Variants in BCL11A observed in about 807,000 individuals in gnomAD.
The protein encoded by BCL11A is B cell CLL/lymphoma 11A.
A neutral mutation model predicts 55.9 loss-of-function variants in BCL11A; 2 were observed. That is an observed-to-expected ratio of 0.04 (90% confidence interval 0.01 to 0.11). The LOEUF (loss-of-function observed/expected upper bound fraction) is 0.11. BCL11A is among the 10% of genes least tolerant of loss of function. The probability of loss-of-function intolerance (pLI) is 1.00; values close to 1 mark genes in which losing one functional copy is unlikely to be tolerated. For missense variants in BCL11A, 817 were observed against 1,137.1 expected, an observed-to-expected ratio of 0.72 and a Z score of 4.05; for synonymous variants, 465 against 473.4, an observed-to-expected ratio of 0.98 and a Z score of 0.23.
At chr2:60,505,233 A>G (rs1483860946) in intron 2 of BCL11A, among the ~76,000 whole-genome samples, 7 of 152,238 alleles carry the variant, frequency 4.6e-5, no homozygotes, top group Non-Finnish European at 1.0e-4. Flanking sequence ...TCATAAGCCA[A>G]AAAAGCTAGA....
At chr2:60,514,540 C>T (rs1668641891) in intron 2 of BCL11A, among the ~76,000 whole-genome samples, 1 of 149,346 alleles carries the variant, frequency 6.7e-6, no homozygotes, top group Non-Finnish European at 1.5e-5. Context: ...TGATGGCATG[C>T]ACCTATAATC....
intron 3 of BCL11A, among the ~76,000 whole-genome samples, chr2:60,467,156 G>GTGGTGGTGGTGA (rs1265963889): frequency 1.5e-5 from 2 of 134,464 alleles, no homozygotes; most frequent in Non-Finnish European, 3.1e-5. Flanking sequence ...GATGGTGGTG[G>GTGGTGGTGGTGA]TGGTGGTGGT....
At chr2:60,496,537 T>C (rs6729815) in intron 2 of BCL11A, 75,153 of 152,164 alleles carry the variant, frequency 0.49, 19,560 homozygotes, top group East Asian at 0.78. Context: ...GGATAACACC[T>C]ATCTTCCACT....
chr2:60,484,165 G>C (rs1199670251), intron 2 of BCL11A: 1 of 152,212 alleles, frequency 6.6e-6, no homozygotes, highest in Non-Finnish European at 1.5e-5. Flanking sequence ...GAGCTGGCAG[G>C]GTTGTCCAGA....
chr2:60,546,197 C>T lies in BCL11A; in HGVS notation c.159G>A (p.Met53Ile). Residue 53 changes from methionine (M) to isoleucine (I), a missense_variant, in exon 2 of 4, where the codon ATG (methionine) becomes ATA (isoleucine). Coordinates refer to ENST00000642384, the MANE Select transcript of BCL11A (RefSeq NM_022893.4). This position sits in a 1 kb window ranked among gnomAD's most constrained non-coding sequence, Gnocchi z 4.1. ...TAAGAATGTCCCCCAATGGGAAGTT[C>T]ATCTGGCACTGCCCACAGGTGAGGA... ...HDLLTCGQCQMNFPLGDILIF... is the reference protein window; with the variant it reads ...HDLLTCGQCQINFPLGDILIF... 6.2e-7 allele frequency: 1 copy of T among 1,614,216 alleles called. No homozygotes were observed. Among genetic ancestry groups the T allele is most frequent in the Non-Finnish European group, 8.5e-7 (1 of 1,180,036 alleles).
At chr2:60,478,942 C>T (rs537687901) in intron 2 of BCL11A, among the ~76,000 whole-genome samples, 4 of 152,132 alleles carry the variant, frequency 2.6e-5, no homozygotes, top group Admixed American at 2.0e-4. Context: ...AAACACAGGC[C>T]TTGGCTTTGA....
Sources: gnomAD v4.1 joint callset for allele counts (sites outside exome capture counted in the v4.1 genomes callset) on GRCh38, gnomAD v4.1.1 for gene constraint, Gnocchi (gnomAD v3.1) non-coding constraint, MANE v1.5 for transcripts, NCBI Gene and HGNC (gene_info 2026-07-23, HGNC 2026-07-21) for gene names.